RNF213: variants seen among roughly 807,000 people sequenced by gnomAD.
RNF213 encodes E3 ubiquitin-protein ligase RNF213.
RNF213 carries 341 observed loss-of-function variants against 514.4 expected under a neutral mutation model. The ratio of observed to expected loss-of-function variants is 0.66; its 90% CI spans 0.61 to 0.73. The LOEUF is 0.73. Ranked by LOEUF, RNF213 falls within the 30% of genes least tolerant of loss-of-function variation. RNF213 has a pLI of 0.00. For missense variants in RNF213, 5,767 were observed against 6,615.6 expected (o/e 0.87, Z 4.45); for synonymous variants, 2,655 against 2,658.2 (o/e 1.00, Z 0.04).
Position 80,345,368 on chromosome 17 carries a change from G to T in RNF213, c.7033G>T (p.Val2345Phe). ...GACTGGGAAGGTCATCAAGAGAGAC[G>T]TCATGACCAGGGACCTGTACCAGGG... is the stretch of plus-strand genomic sequence containing the variant. The part of the protein sequence containing the change: ...HLTGKVIKRD[V>F]MTRDLYQGLL... Residue 2345 changes from valine (V) to phenylalanine (F), a missense_variant, in exon 29 of 68, where the codon GTC becomes TTC. By Grantham distance (50) the Val-to-Phe change is conservative. Transcript: ENST00000582970. The surrounding 1 kb of genome is among the most constrained non-coding windows in gnomAD (Gnocchi z 6.0). The T allele has an allele frequency of 6.2e-7, 1 of 1,614,118 alleles. No individual in the cohort carries two copies.
chr17:80,347,257 T>G lies in RNF213; in HGVS notation c.8922T>G (p.Pro2974=). 1 of 1,613,538 alleles carries G rather than the reference T, an allele frequency of 6.2e-7. No individual in the cohort carries two copies. The highest frequency in any genetic ancestry group is 8.5e-7 in the Non-Finnish European group (1 of 1,179,818). The change falls in exon 29 of 68, where the codon CCT becomes CCG. Residue 2974 remains proline, a synonymous_variant. Coordinates refer to ENST00000582970, the MANE Select transcript of RNF213 (RefSeq NM_001256071.3). This position sits in a 1 kb window ranked among gnomAD's most constrained non-coding sequence, Gnocchi z 7.2. ...FAAAKASNRK[P]SPQDIAQAVL... Reference sequence around the variant, plus strand: ...CAGCAAAGGCTTCAAATAGAAAGCCTTCCCCGCAAGACATTGCACAGGCTG... The same window carrying G: ...CAGCAAAGGCTTCAAATAGAAAGCCGTCCCCGCAAGACATTGCACAGGCTG...
chr17:80,382,398 A>G (rs1001791766), intron 57 of RNF213: 5 of 157,732 alleles, frequency 3.2e-5, no homozygotes, highest in Admixed American at 1.3e-4. Context: ...TAAAATAATA[A>G]CAATAATAGC....
chr17:80,382,232 TC>T (rs1469637482), intron 57 of RNF213: 1 of 158,160 alleles, frequency 6.3e-6, no homozygotes, highest in South Asian at 1.8e-4. Flanking sequence ...GAGCTAACTT[TC>T]TATTTTAAAA....
At chr17:80,359,837 G>GTTTGTT (rs2078989037) in intron 37 of RNF213, among the ~76,000 whole-genome samples, 2 of 152,180 alleles carry the variant, frequency 1.3e-5, no homozygotes, top group African/African-American at 4.8e-5. Flanking sequence ...GTCAGCCTTG[G>GTTTGTT]TTTGTTTTTG....
Position 80,328,973 on chromosome 17 carries a change from T to C in RNF213, c.3517+496T>C, listed in dbSNP as rs531746100. On this transcript the variant is annotated intron_variant, in intron 20 of 67. Transcript: ENST00000582970. ...ATTTCCTGTCAGATGCTGTTTTCAC[T>C]GCGTTAATGATACGCTGTTTTCATT... is the stretch of plus-strand genomic sequence containing the variant. Among the ~76,000 whole-genome samples the C allele has an allele frequency of 1.2e-3, 188 of 152,394 alleles. 1 individual carries two copies. Among genetic ancestry groups the C allele is most frequent in the African/African-American group, 4.2e-3 (176 of 41,594 alleles).
intron 6 of RNF213, among the ~76,000 whole-genome samples, 154 bp from the exon 7 acceptor site, chr17:80,290,416 T>G (rs959597164): frequency 6.7e-6 from 1 of 149,008 alleles, no homozygotes; most frequent in Non-Finnish European, 1.5e-5. Context: ...TGTGTGTGCG[T>G]GTGTGCGAGT....
chr17:80,319,706 G>A, intron 17 of RNF213: 10 of 1,425,020 alleles, frequency 7.0e-6, no homozygotes, highest in Non-Finnish European at 9.2e-6. Context: ...AACATTTATG[G>A]AAGCAAAATA....
At chr17:80,391,695 C>T (rs2080477647) in intron 67 of RNF213, among the ~76,000 whole-genome samples, 1 of 150,680 alleles carries the variant, frequency 6.6e-6, no homozygotes, top group South Asian at 2.1e-4. Flanking sequence ...CAGAATTTTC[C>T]TATAAAGGGT....
intron 11 of RNF213, among the ~76,000 whole-genome samples, chr17:80,305,318 A>G (rs1259609733): frequency 1.3e-5 from 2 of 151,094 alleles, no homozygotes; most frequent in African/African-American, 4.9e-5. Context: ...AGCTGGGATT[A>G]CAGGTGTGCG....
intron 37 of RNF213, among the ~76,000 whole-genome samples, chr17:80,359,011 C>T (rs1374290228): frequency 1.3e-5 from 2 of 152,200 alleles, no homozygotes; most frequent in African/African-American, 4.8e-5. Flanking sequence ...CCAGACCCAG[C>T]ATGGCGTGAC....
intron 17 of RNF213, among the ~76,000 whole-genome samples, chr17:80,324,676 A>G (rs1447783138): frequency 2.0e-5 from 3 of 152,194 alleles, no homozygotes; most frequent in African/African-American, 7.2e-5. Flanking sequence ...GGAACATAAA[A>G]TATATGCTAT....
chr17:80,367,876 G>A, intron 43 of RNF213, 28 bp downstream of exon 43: 1 of 1,613,568 alleles, frequency 6.2e-7, no homozygotes, highest in Non-Finnish European at 8.5e-7. Context: ...GATCTGTGAA[G>A]GCGAGAATTC....
intron 17 of RNF213, among the ~76,000 whole-genome samples, 185 bp from the exon 18 acceptor site, chr17:80,324,845 A>G (rs1242554664): frequency 6.6e-6 from 1 of 152,184 alleles, no homozygotes; most frequent in Non-Finnish European, 1.5e-5. Context: ...AGGAGGCAGT[A>G]TACAAGGAAA....
intron 38 of RNF213, 122 bp from the exon 39 acceptor site, chr17:80,361,612 T>C (rs2079057271): frequency 3.0e-6 from 3 of 998,038 alleles, no homozygotes; most frequent in Non-Finnish European, 4.7e-6. Flanking sequence ...TGGTACCCCT[T>C]TGTCTACGAG....
At chr17:80,329,161 G>A (rs1489320005) in intron 20 of RNF213, among the ~76,000 whole-genome samples, 1 of 152,228 alleles carries the variant, frequency 6.6e-6, no homozygotes, top group African/African-American at 2.4e-5. Context: ...TGGGTTAGAC[G>A]TGGTTCCCAC....
intron 20 of RNF213, among the ~76,000 whole-genome samples, chr17:80,329,247 C>T (rs970262980): frequency 2.0e-5 from 3 of 152,234 alleles, no homozygotes; most frequent in African/African-American, 7.2e-5. Context: ...GAGAAAAGGG[C>T]GTGTAAGAGG....
In RNF213 at chr17:80,377,973, C is replaced by A. The variant is rs2079829710; in HGVS notation, c.13545+177C>A. Among the ~76,000 whole-genome samples, 1 of 152,158 alleles carries A rather than the reference C, an allele frequency of 6.6e-6. No homozygotes were observed. Among genetic ancestry groups the A allele is most frequent in the South Asian group, 2.1e-4 (1 of 4,818 alleles). On this transcript the variant is annotated intron_variant, in intron 54 of 67. Coordinates refer to ENST00000582970, the MANE Select transcript of RNF213 (RefSeq NM_001256071.3). This position sits in a 1 kb window ranked among gnomAD's most constrained non-coding sequence, Gnocchi z 4.1. ...GCCAATGGCGCTAAGGGTTTCTAGCCCAGGGCTTCTCAGACTCAGCACTGT... is the reference window on the plus strand; with the variant it reads ...GCCAATGGCGCTAAGGGTTTCTAGCACAGGGCTTCTCAGACTCAGCACTGT...
chr17:80,385,754 G>T, intron 61 of RNF213, 133 bp downstream of exon 61: 1 of 780,572 alleles, frequency 1.3e-6, no homozygotes, highest in South Asian at 1.5e-5. Context: ...ATGGAGTCTT[G>T]CTCTGTCGCC....
At chr17:80,379,122 G>A (rs2079880940) in intron 54 of RNF213, among the ~76,000 whole-genome samples, 1 of 151,606 alleles carries the variant, frequency 6.6e-6, no homozygotes, top group Non-Finnish European at 1.5e-5. Flanking sequence ...AGCCTGGGGA[G>A]GTCAAGGCTG....
Sources: gnomAD v4.1 joint callset for allele counts (sites outside exome capture counted in the v4.1 genomes callset) on GRCh38, gnomAD v4.1.1 for gene constraint, Gnocchi (gnomAD v3.1) non-coding constraint, MANE v1.5 for transcripts, NCBI Gene and HGNC (gene_info 2026-07-23, HGNC 2026-07-21) for gene names.